The following CLVS1 variants were observed in gnomAD, a reference collection of about 807,000 sequenced individuals.
CLVS1 encodes the protein clavesin-1.
CLVS1 carries 10 observed loss-of-function variants against 33.1 expected under a neutral mutation model. The observed-to-expected ratio is 0.30, with a 90% CI of 0.19 to 0.51. The LOEUF is 0.51. Ranked by LOEUF, CLVS1 falls within the 20% of genes least tolerant of loss-of-function variation. CLVS1 has a pLI of 0.97. For missense variants in CLVS1, 343 were observed against 433.4 expected (o/e 0.79, Z 1.85); for synonymous variants, 163 against 166.1 (o/e 0.98, Z 0.14).
At chr8:61,081,705 GA>G (rs1373031053) in intron 1 of CLVS1, among the ~76,000 whole-genome samples, 1 of 152,190 alleles carries the variant, frequency 6.6e-6, no homozygotes, top group Non-Finnish European at 1.5e-5. Context: ...GTCACAGCAA[GA>G]AAAAACTTAA....
At chr8:61,110,119 C>T (rs1805600760) in intron 1 of CLVS1, among the ~76,000 whole-genome samples, 1 of 152,188 alleles carries the variant, frequency 6.6e-6, no homozygotes, top group South Asian at 2.1e-4. Context: ...TCTATTGAGG[C>T]CTTGGCTGAA....
the CLVS1 span, among the ~76,000 whole-genome samples, chr8:61,033,020 A>T: frequency 1.7e-5 from 2 of 117,612 alleles, no homozygotes. Flanking sequence ...AAAGAAAGAA[A>T]GAAAGAAAGA....
intron 1 of CLVS1, among the ~76,000 whole-genome samples, chr8:61,291,554 G>A (rs57387343): frequency 0.26 from 40,062 of 151,968 alleles, 7,779 homozygotes; most frequent in East Asian, 0.84. Flanking sequence ...ATAGCATGTT[G>A]TAGGGGGGCG....
At chr8:61,292,635 G>C (rs547228552) in intron 1 of CLVS1, among the ~76,000 whole-genome samples, 1 of 152,000 alleles carries the variant, frequency 6.6e-6, no homozygotes, top group Non-Finnish European at 1.5e-5. Context: ...TAAAAATTGG[G>C]GTATCAACTG....
chr8:61,146,724 A>G (rs1563420405), intron 2 of CLVS1, among the ~76,000 whole-genome samples: 1 of 152,258 alleles, frequency 6.6e-6, no homozygotes, highest in Non-Finnish European at 1.5e-5. Flanking sequence ...GAGGAGCATT[A>G]TTGGATTGGG....
At chr8:61,055,240 A>G (rs1804456040), upstream of CLVS1, among the ~76,000 whole-genome samples, 1 of 152,216 alleles carries the variant, frequency 6.6e-6, no homozygotes, top group Non-Finnish European at 1.5e-5. Context: ...AGGAAGGGTG[A>G]ATTTAAAGTG....
rs753683160 is a variant in CLVS1, at chr8:61,499,479, G to C, written c.1002G>C (p.Gly334=). ...MKRSQSVVEA[G]TLKHEEKGEN... ...GATCTCAGTCTGTGGTAGAAGCTGG[G>C]ACCCTGAAACATGAGGAGAAGGGAG... Residue 334 remains glycine (G), a synonymous_variant, in exon 6 of 6, where the codon GGG becomes GGC. Coordinates refer to ENST00000325897, the MANE Select transcript of CLVS1 (RefSeq NM_173519.3). The C allele has an allele frequency of 6.2e-7, 1 of 1,613,428 alleles. No individual in the cohort carries two copies. The highest frequency in any genetic ancestry group is 1.3e-5 in the African/African-American group (1 of 74,864).
chr8:61,392,441 T>C (rs1291111609), intron 3 of CLVS1, among the ~76,000 whole-genome samples: 1 of 152,226 alleles, frequency 6.6e-6, no homozygotes, highest in African/African-American at 2.4e-5. Flanking sequence ...TTTCTCTGAT[T>C]ACAAATCAAC....
chr8:61,249,204 A>G lies in CLVS1; in HGVS notation c.-151-50473A>G, dbSNP rs140933073. Among the ~76,000 whole-genome samples, 365 of 152,196 alleles carry G rather than the reference A, an allele frequency of 2.4e-3. 1 individual carries two copies. Among genetic ancestry groups the G allele is most frequent in the African/African-American group, 8.4e-3 (350 of 41,506 alleles). ...TCTGTCCCAGTGTTAATTTGCTGAG[A>G]ATTATGGTTTCCAGCTTCCTCCATG... On this transcript the variant is annotated intron_variant, in intron 2 of 2. Coordinates refer to the CLVS1 transcript ENST00000522621.
chr8:61,002,030 G>A, the CLVS1 span, among the ~76,000 whole-genome samples: 1 of 152,024 alleles, frequency 6.6e-6, no homozygotes, highest in Admixed American at 6.6e-5. Context: ...CCAGGCTGGA[G>A]TGCAGTGGTG....
upstream of CLVS1, among the ~76,000 whole-genome samples, chr8:61,054,750 C>A (rs1254328884): frequency 2.0e-5 from 3 of 152,138 alleles, no homozygotes; most frequent in Non-Finnish European, 4.4e-5. Flanking sequence ...TTCCTCATCT[C>A]TCTCCTATAC....
the CLVS1 span, among the ~76,000 whole-genome samples, chr8:61,023,835 T>G: frequency 6.6e-6 from 1 of 152,090 alleles, no homozygotes; most frequent in Non-Finnish European, 1.5e-5. Flanking sequence ...CACAGCTTCT[T>G]TGGTCTCGGT....
intron 3 of CLVS1, among the ~76,000 whole-genome samples, chr8:61,452,715 C>T (rs1817006818): frequency 1.3e-5 from 2 of 152,104 alleles, no homozygotes; most frequent in East Asian, 1.9e-4. Context: ...ATAAAAGAAA[C>T]AAAACAAAAC....
At chr8:61,424,220 C>T (rs1458219115) in intron 3 of CLVS1, among the ~76,000 whole-genome samples, 1 of 152,218 alleles carries the variant, frequency 6.6e-6, no homozygotes, top group South Asian at 2.1e-4. Flanking sequence ...TAGTGCCTCT[C>T]AGTGAATGCT....
chr8:61,497,224 A>C (rs916048341), intron 5 of CLVS1, among the ~76,000 whole-genome samples: 1 of 152,210 alleles, frequency 6.6e-6, no homozygotes, highest in African/African-American at 2.4e-5. Context: ...TAAGACTGAC[A>C]GTTGTGGTTT....
chr8:61,048,701 C>T, the CLVS1 span, among the ~76,000 whole-genome samples: 8 of 152,256 alleles, frequency 5.3e-5, no homozygotes, highest in South Asian at 1.7e-3. Flanking sequence ...TGGAGAAGAT[C>T]ACTCTGCAGT....
chr8:61,098,027 C>T (rs1262623158), intron 1 of CLVS1, among the ~76,000 whole-genome samples: 1 of 152,072 alleles, frequency 6.6e-6, no homozygotes, highest in Non-Finnish European at 1.5e-5. Context: ...GGTATGATGT[C>T]GTACACCTGT....
chr8:61,120,727 C>G (rs10091546), intron 1 of CLVS1, among the ~76,000 whole-genome samples: 17,136 of 133,544 alleles, frequency 0.13, 1,346 homozygotes, highest in African/African-American at 0.18. Flanking sequence ...GCAGTCTGCC[C>G]GTTCTCAGAT....
intron 1 of CLVS1, among the ~76,000 whole-genome samples, chr8:61,102,710 G>A (rs1767883330): frequency 6.6e-6 from 1 of 152,192 alleles, no homozygotes; most frequent in Admixed American, 6.5e-5. Flanking sequence ...TCATGGGGCT[G>A]AGGTATCATG....
Sources: allele counts gnomAD v4.1 joint callset (sites outside exome capture counted in the v4.1 genomes callset), GRCh38; gene constraint gnomAD v4.1.1; transcripts MANE v1.5; gene names NCBI Gene and HGNC (gene_info 2026-07-23, HGNC 2026-07-21).